The following KCNIP4 variants were observed in gnomAD, a reference collection of about 807,000 sequenced individuals.
KCNIP4 encodes Kv channel-interacting protein 4.
A neutral mutation model predicts 34.0 loss-of-function variants in KCNIP4; 12 were observed. The observed-to-expected ratio is 0.35, with a 90% CI of 0.23 to 0.57. The LOEUF (loss-of-function observed/expected upper bound fraction) is 0.57, where lower values mean the gene tolerates loss of function less well. Ranked by LOEUF, KCNIP4 falls within the 20% of genes least tolerant of loss-of-function variation. The pLI, the probability that KCNIP4 is intolerant of heterozygous loss-of-function variation, is 0.83. For missense variants in KCNIP4, 238 were observed against 311.7 expected (o/e 0.76, Z 1.78); for synonymous variants, 124 against 102.2 (o/e 1.21, Z -1.29).
rs73805052 is a variant in KCNIP4 at position 21,185,582 on chromosome 4, C to T, written c.62-302873G>A. Among the ~76,000 whole-genome samples the T allele has an allele frequency of 2.7e-3, 409 of 151,894 alleles. 2 individuals carry two copies. Among genetic ancestry groups the T allele is most frequent in the African/African-American group, 8.7e-3 (362 of 41,428 alleles). ...ACGTGCTTTTGCCTGTCTTAGTTTA[C>T]TCATCTGAGAAATGGGGCTAGAAAT... On this transcript the variant is annotated intron_variant, in intron 1 of 8. Transcript: ENST00000382152.
In KCNIP4 at chr4:21,217,269, A is replaced by G. The variant is rs371259304; in HGVS notation, c.62-334560T>C. On this transcript the variant is annotated intron_variant, in intron 1 of 8. Coordinates refer to ENST00000382152, the MANE Select transcript of KCNIP4 (RefSeq NM_025221.6). Reference sequence around the variant, plus strand: ...TCAGTCCCATAATAAGGGCTCAATAATAAGAGTTGCTACCATTTATTGCAC... The same window carrying G: ...TCAGTCCCATAATAAGGGCTCAATAGTAAGAGTTGCTACCATTTATTGCAC... Among the ~76,000 whole-genome samples the G allele has an allele frequency of 2.6e-5, 4 of 152,290 alleles. No homozygotes were observed. The South Asian group carries it at 6.2e-4, about 24-fold the overall frequency.
intron 1 of KCNIP4, among the ~76,000 whole-genome samples, chr4:21,778,554 T>C (rs1341206358): frequency 2.0e-5 from 3 of 152,166 alleles, no homozygotes; most frequent in Non-Finnish European, 4.4e-5. Flanking sequence ...TGTTTTTGTT[T>C]GAACCTAAAG....
At position 21,633,334 on chromosome 4, in the gene KCNIP4, T is replaced by C. The variant is rs115409479; in HGVS notation, c.61+315237A>G. Among the ~76,000 whole-genome samples, 1,196 of 152,234 alleles carry C rather than the reference T, an allele frequency of 7.9e-3. 18 individuals are homozygous for C. Among genetic ancestry groups the C allele is most frequent in the African/African-American group, 0.027 (1,128 of 41,544 alleles). On this transcript the variant is annotated intron_variant, in intron 1 of 8. Transcript: ENST00000382152. ...CTGTATTTCCCAGTCTTCAATTCCA[T>C]TGGATTTGGCCATAAAACCCAGTTC...
intron 1 of KCNIP4, among the ~76,000 whole-genome samples, chr4:21,098,586 T>C (rs1747664256): frequency 1.3e-5 from 2 of 152,200 alleles, no homozygotes; most frequent in Non-Finnish European, 2.9e-5. Flanking sequence ...GTTTACAATG[T>C]GACTTACTGA....
intron 1 of KCNIP4, among the ~76,000 whole-genome samples, chr4:21,341,562 A>T (rs1313863946): frequency 8.4e-6 from 1 of 119,372 alleles, no homozygotes; most frequent in Non-Finnish European, 1.7e-5. Flanking sequence ...TTTCATTAAC[A>T]ATTCTTATTA....
At chr4:20,860,123 T>A (rs1722029488) in intron 2 of KCNIP4, among the ~76,000 whole-genome samples, 2 of 152,004 alleles carry the variant, frequency 1.3e-5, no homozygotes, top group Admixed American at 6.6e-5. Flanking sequence ...CAGGTCCCAT[T>A]TCTTTTTTTT....
intron 1 of KCNIP4, among the ~76,000 whole-genome samples, chr4:21,242,777 C>T (rs1254933947): frequency 2.0e-5 from 3 of 152,084 alleles, no homozygotes; most frequent in Non-Finnish European, 4.4e-5. Flanking sequence ...TTTCCTAGGA[C>T]TCCAGCTTGC....
At chr4:21,400,549 T>TCTTCC (rs1560369390) in intron 1 of KCNIP4, among the ~76,000 whole-genome samples, 1 of 113,628 alleles carries the variant, frequency 8.8e-6, no homozygotes, top group Non-Finnish European at 2.0e-5. Flanking sequence ...TCTTCTCTTC[T>TCTTCC]CTTCTCTTCT....
intron 1 of KCNIP4, among the ~76,000 whole-genome samples, chr4:21,312,041 G>C (rs559405183): frequency 6.6e-6 from 1 of 152,226 alleles, no homozygotes; most frequent in African/African-American, 2.4e-5. Flanking sequence ...ACCACACCCA[G>C]ACTTCACCAC....
chr4:21,019,958 A>G (rs554350928), intron 1 of KCNIP4, among the ~76,000 whole-genome samples: 58 of 152,324 alleles, frequency 3.8e-4, no homozygotes, highest in Middle Eastern at 6.8e-3. Context: ...GCTATACACC[A>G]GAGTTCAGAA....
intron 1 of KCNIP4, among the ~76,000 whole-genome samples, chr4:21,785,614 T>TAAAA (rs1313525974): frequency 7.5e-6 from 1 of 133,394 alleles, no homozygotes; most frequent in East Asian, 2.4e-4. Flanking sequence ...AATAAATAAA[T>TAAAA]AAAATAAAAA....
chr4:21,275,393 T>C (rs1762381505), intron 1 of KCNIP4, among the ~76,000 whole-genome samples: 1 of 152,184 alleles, frequency 6.6e-6, no homozygotes, highest in African/African-American at 2.4e-5. Context: ...CATGGATTAA[T>C]AGGTCTATAA....
chr4:21,151,360 TGCC>T (rs1752735755), intron 1 of KCNIP4, among the ~76,000 whole-genome samples: 1 of 150,164 alleles, frequency 6.7e-6, no homozygotes, highest in East Asian at 2.0e-4. Flanking sequence ...CTACTTGGGC[TGCC>T]ATTAACTAAA....
intron 1 of KCNIP4, among the ~76,000 whole-genome samples, chr4:21,226,229 T>C (rs1230169762): frequency 9.9e-5 from 6 of 60,438 alleles, no homozygotes; most frequent in African/African-American, 4.2e-4. Flanking sequence ...CTGGGCAGCA[T>C]AGGGGGAGGG....
At chr4:21,336,580 A>G (rs556036464) in intron 1 of KCNIP4, among the ~76,000 whole-genome samples, 5 of 152,280 alleles carry the variant, frequency 3.3e-5, no homozygotes, top group South Asian at 2.1e-4. Flanking sequence ...TTTAACCAAC[A>G]ATACATGACT....
intron 1 of KCNIP4, among the ~76,000 whole-genome samples, chr4:21,370,123 G>A (rs951930909): frequency 2.0e-5 from 3 of 147,448 alleles, no homozygotes; most frequent in East Asian, 4.0e-4. Context: ...CACTGCACCC[G>A]GCCAACCCAA....
At chr4:21,025,540 A>C (rs1740455634) in intron 1 of KCNIP4, among the ~76,000 whole-genome samples, 2 of 69,804 alleles carry the variant, frequency 2.9e-5, no homozygotes, top group African/African-American at 6.0e-5. Flanking sequence ...ACTCATTGAT[A>C]CTGTTTTTTT....
At chr4:21,406,871 G>A (rs1724039966) in intron 1 of KCNIP4, among the ~76,000 whole-genome samples, 1 of 152,092 alleles carries the variant, frequency 6.6e-6, no homozygotes, top group African/African-American at 2.4e-5. Flanking sequence ...CTGCTACCAG[G>A]GGCTTGGCAG....
intron 1 of KCNIP4, among the ~76,000 whole-genome samples, chr4:20,997,840 T>G (rs1737706794): frequency 6.6e-6 from 1 of 152,184 alleles, no homozygotes. Flanking sequence ...TGGGGTCCTT[T>G]TAGGACAAAG....
Sources: gnomAD v4.1 joint callset for allele counts (sites outside exome capture counted in the v4.1 genomes callset) on GRCh38, gnomAD v4.1.1 for gene constraint, MANE v1.5 for transcripts, NCBI Gene and HGNC (gene_info 2026-07-23, HGNC 2026-07-21) for gene names.